APMAP: variants seen among roughly 807,000 people sequenced by gnomAD.
The protein encoded by APMAP is adipocyte plasma membrane associated protein.
In APMAP, 33 loss-of-function variants were observed where a neutral mutation model predicts 43.6. The observed-to-expected ratio is 0.76, with a 90% CI of 0.57 to 1.01. APMAP has a LOEUF of 1.01. APMAP is among the 50% of genes least tolerant of loss of function. The pLI is 0.00. For missense variants in APMAP, 498 were observed against 540.7 expected (o/e 0.92, Z 0.78); for synonymous variants, 224 against 216.7 (o/e 1.03, Z -0.30).
chr20:24,965,344 C>G (rs1399413382), intron 8 of APMAP, among the ~76,000 whole-genome samples: 1 of 152,282 alleles, frequency 6.6e-6, no homozygotes, highest in Non-Finnish European at 1.5e-5. Flanking sequence ...CTGAGCCCTG[C>G]TGCAAGCTGT....
Position 24,968,983 on chromosome 20 carries a change from C to CA in APMAP, c.949dup (p.Trp317LeufsTer10), listed in dbSNP as rs967591207. ...AGGGCGGATGGTCGACATGCCCACC[C>CA]AGTACCCCCCAGAGCTGCTGGGCCG... On this transcript the variant is annotated frameshift_variant, in exon 8 of 9. Coordinates refer to ENST00000217456, the MANE Select transcript of APMAP (RefSeq NM_020531.3). LOFTEE classifies it high-confidence loss of function. 1 of 1,614,100 alleles carries CA rather than the reference C, an allele frequency of 6.2e-7. No individual in the cohort carries two copies. The highest frequency in any genetic ancestry group is 1.7e-5 in the Admixed American group (1 of 60,020).
chr20:24,966,812 G>A (rs952494585), intron 8 of APMAP, among the ~76,000 whole-genome samples: 3 of 152,178 alleles, frequency 2.0e-5, no homozygotes, highest in Non-Finnish European at 2.9e-5. Flanking sequence ...GACAGTCACA[G>A]GGGAGCTGTG....
intron 2 of APMAP, among the ~76,000 whole-genome samples, chr20:24,983,532 T>C (rs1179248357): frequency 2.6e-5 from 4 of 152,260 alleles, no homozygotes; most frequent in African/African-American, 7.2e-5. Flanking sequence ...ACACTAATTA[T>C]GGGTTTTGTA....
At chr20:24,978,134 T>C (rs1036316869) in intron 3 of APMAP, among the ~76,000 whole-genome samples, 8 of 152,238 alleles carry the variant, frequency 5.3e-5, no homozygotes, top group Non-Finnish European at 1.2e-4. Context: ...CATACCAGAT[T>C]AAGTTTTAAA....
In APMAP at chr20:24,969,622, A is replaced by G; in HGVS notation, c.752T>C (p.Val251Ala). 6.2e-7 allele frequency: 1 copy of G among 1,613,982 alleles called. No individual in the cohort carries two copies. The highest frequency in any genetic ancestry group is 8.5e-7 in the Non-Finnish European group (1 of 1,179,880). ...EYDTVTREVK[V>A]LLDQLRFPNG... ...CGGGAACCGCAGCTGGTCCAATAAA[A>G]CTTTTACTTCCCTGGTCACAGTATC... The change falls in exon 7 of 9, where the codon GTT (valine) becomes GCT (alanine). Residue 251 changes from valine (V) to alanine (A), a missense_variant. Coordinates refer to ENST00000217456, the MANE Select transcript of APMAP (RefSeq NM_020531.3).
chr20:24,973,329 A>G (rs1384246276), intron 4 of APMAP, among the ~76,000 whole-genome samples: 1 of 152,232 alleles, frequency 6.6e-6, no homozygotes, highest in African/African-American at 2.4e-5. Flanking sequence ...GATAACACCT[A>G]TTAGCCTCTG....
intron 2 of APMAP, among the ~76,000 whole-genome samples, chr20:24,979,972 C>T (rs962462350): frequency 1.3e-5 from 2 of 152,158 alleles, no homozygotes; most frequent in African/African-American, 4.8e-5. Context: ...ACTAAATATC[C>T]GATACCTCCC....
intron 1 of APMAP, among the ~76,000 whole-genome samples, chr20:24,986,198 T>C (rs2088145756): frequency 6.6e-6 from 1 of 152,198 alleles, no homozygotes; most frequent in African/African-American, 2.4e-5. Flanking sequence ...CTTCTAATAA[T>C]CTTCCAAAAA....
chr20:24,992,645 G>T lies in APMAP; in HGVS notation c.44C>A (p.Pro15Gln), dbSNP rs779302394. The change falls in exon 1 of 9, where the codon CCG (proline) becomes CAG (glutamine). Residue 15 changes from proline to glutamine, a missense_variant. Transcript: ENST00000217456. ...DGLRQRRPLR[P>Q]QVVTDDDGQA... ...GCCATCATCGTCTGTGACGACCTGC[G>T]GCCGCAGGGGCCGGCGCTGTCGCAG... 6.4e-7 allele frequency: 1 copy of T among 1,562,738 alleles called. No homozygotes were observed. Among genetic ancestry groups the T allele is most frequent in the Non-Finnish European group, 8.6e-7 (1 of 1,156,164 alleles).
intron 1 of APMAP, among the ~76,000 whole-genome samples, chr20:24,991,801 T>C (rs2088194614): frequency 6.6e-6 from 1 of 152,250 alleles, no homozygotes; most frequent in African/African-American, 2.4e-5. Flanking sequence ...AAGTATCTTA[T>C]ATTGAAATCT....
At chr20:24,981,054 G>A (rs2088100337) in intron 2 of APMAP, among the ~76,000 whole-genome samples, 1 of 152,218 alleles carries the variant, frequency 6.6e-6, no homozygotes, top group Non-Finnish European at 1.5e-5. Flanking sequence ...GGCAGACCAG[G>A]AGTATGGAGG....
At chr20:24,981,499 G>A (rs2088104461) in intron 2 of APMAP, among the ~76,000 whole-genome samples, 1 of 152,188 alleles carries the variant, frequency 6.6e-6, no homozygotes, top group Non-Finnish European at 1.5e-5. Flanking sequence ...AGGAAGCCAG[G>A]GTGTGGGGCA....
chr20:24,970,482 G>A (rs774750717), intron 5 of APMAP, 111 bp from the exon 6 acceptor site: 1 of 959,244 alleles, frequency 1.0e-6, no homozygotes, highest in Non-Finnish European at 1.5e-6. Context: ...ACTTCTCCAT[G>A]TCATTTGTCA....
intron 8 of APMAP, among the ~76,000 whole-genome samples, chr20:24,965,736 A>C (rs7271963): frequency 0.09 from 13,681 of 152,320 alleles, 700 homozygotes; most frequent in Middle Eastern, 0.12. Flanking sequence ...GGGGTGCTAC[A>C]GCCCTGGATG....
intron 2 of APMAP, among the ~76,000 whole-genome samples, chr20:24,981,649 G>A (rs1035058409): frequency 2.6e-5 from 4 of 152,174 alleles, no homozygotes; most frequent in African/African-American, 4.8e-5. Flanking sequence ...AGTTTCACCC[G>A]ATAGTAAAAT....
chr20:24,989,094 T>C (rs529786673), intron 1 of APMAP, among the ~76,000 whole-genome samples: 2 of 151,644 alleles, frequency 1.3e-5, no homozygotes, highest in South Asian at 4.2e-4. Context: ...TCTCGGTGTC[T>C]GCCTCCCTCT....
chr20:24,973,556 G>C (rs899489644), intron 4 of APMAP, 89 bp downstream of exon 4: 4 of 1,256,492 alleles, frequency 3.2e-6, no homozygotes, highest in Admixed American at 2.0e-5. Context: ...TCTCCCACAG[G>C]CATTCTAGGG....
At chr20:24,989,911 C>T (rs2088177870) in intron 1 of APMAP, among the ~76,000 whole-genome samples, 1 of 152,156 alleles carries the variant, frequency 6.6e-6, no homozygotes, top group South Asian at 2.1e-4. Context: ...ACCTAGCAGA[C>T]TTTTAATTAA....
At chr20:24,975,320 G>A (rs1338471731) in intron 3 of APMAP, among the ~76,000 whole-genome samples, 1 of 152,134 alleles carries the variant, frequency 6.6e-6, no homozygotes, top group East Asian at 1.9e-4. Context: ...CTGGAACCAA[G>A]CAATTATAGC....
Sources: allele counts gnomAD v4.1 joint callset (sites outside exome capture counted in the v4.1 genomes callset), GRCh38; gene constraint gnomAD v4.1.1; transcripts MANE v1.5; gene names NCBI Gene and HGNC (gene_info 2026-07-23, HGNC 2026-07-21).